The following OTOG variants were observed in gnomAD, a reference collection of about 807,000 sequenced individuals.
The protein encoded by OTOG is otogelin.
OTOG carries 296 observed loss-of-function variants against 313.8 expected under a neutral mutation model. The observed-to-expected ratio is 0.94, with a 90% CI of 0.86 to 1.04. OTOG has a LOEUF of 1.04. Ranked by LOEUF, OTOG falls within the 50% of genes least tolerant of loss-of-function variation. The probability of loss-of-function intolerance (pLI) is 0.00; values close to 1 mark genes in which losing one functional copy is unlikely to be tolerated. For synonymous variants in OTOG, 1,533 were observed against 1,554.9 expected, an observed-to-expected ratio of 0.99 and a Z score of 0.33; for missense variants, 3,948 against 3,840.1, an observed-to-expected ratio of 1.03 and a Z score of -0.74.
intron 23 of OTOG, among the ~76,000 whole-genome samples, chr11:17,585,006 C>G (rs144373415): frequency 6.6e-6 from 1 of 152,112 alleles, no homozygotes; most frequent in Non-Finnish European, 1.5e-5. Context: ...ATACTTGCAA[C>G]GTTTTTGTCT....
In OTOG at chr11:17,547,352, C is replaced by T; in HGVS notation, c.-21C>T. On this transcript the variant is annotated 5_prime_UTR_variant, in exon 1 of 56. Coordinates refer to ENST00000399397, the MANE Select transcript of OTOG (RefSeq NM_001292063.2). ...GGGAGGCTGGCCCTGCGCTCAAGTC[C>T]TCCGGTCCCCTCGTGTCCCTATGGG... 1 of 1,334,056 alleles carries T rather than the reference C, an allele frequency of 7.5e-7. No individual in the cohort carries two copies. The highest frequency in any genetic ancestry group is 3.0e-5 in the East Asian group (1 of 32,820). The allele number at this position is 1,334,056 out of a possible 1,614,324, so 82.6% of individuals were successfully genotyped here.
chr11:17,554,126 C>A (rs1364835764), intron 6 of OTOG, among the ~76,000 whole-genome samples: 1 of 152,100 alleles, frequency 6.6e-6, no homozygotes, highest in East Asian at 1.9e-4. Context: ...GAGACTAGGG[C>A]CTCAGAGAAA....
intron 32 of OTOG, among the ~76,000 whole-genome samples, chr11:17,603,945 C>G (rs901942655): frequency 6.6e-6 from 1 of 152,170 alleles, no homozygotes; most frequent in Non-Finnish European, 1.5e-5. Flanking sequence ...TAGGACTTCT[C>G]ATGTGCCGGC....
Position 17,610,720 on chromosome 11 carries a change from G to A in OTOG, c.5420G>A (p.Ser1807Asn). 6.5e-7 allele frequency: 1 copy of A among 1,550,050 alleles called. No homozygotes were observed. The highest frequency in any genetic ancestry group is 1.2e-5 in the South Asian group (1 of 84,042). Residue 1807 changes from serine (S) to asparagine (N), a missense_variant, in exon 36 of 56, where the codon AGC (serine) becomes AAC (asparagine). Physicochemically the swap from Ser to Asn is conservative, Grantham distance 46 (BLOSUM62 1). Coordinates refer to ENST00000399397, the MANE Select transcript of OTOG (RefSeq NM_001292063.2). Reference protein sequence around the residue: ...QLLSGLPPDTSLPLAKVGTSA... With the variant: ...QLLSGLPPDTNLPLAKVGTSA... ...CTCTCTGGCCTGCCTCCCGACACCAGCCTGCCCCTGGCCAAGGTGGGCACA... is the reference window on the plus strand; with the variant it reads ...CTCTCTGGCCTGCCTCCCGACACCAACCTGCCCCTGGCCAAGGTGGGCACA...
At chr11:17,556,702 G>A (rs899532767) in intron 7 of OTOG, among the ~76,000 whole-genome samples, 2 of 152,124 alleles carry the variant, frequency 1.3e-5, no homozygotes, top group Non-Finnish European at 2.9e-5. Flanking sequence ...GTTGGCTAGG[G>A]GTCCCTGTAC....
chr11:17,564,033 G>A (rs767193563), intron 15 of OTOG, among the ~76,000 whole-genome samples: 10 of 152,060 alleles, frequency 6.6e-5, no homozygotes, highest in Non-Finnish European at 1.5e-4. Flanking sequence ...GATAGGCTGT[G>A]GGTCAGCCTT....
At chr11:17,640,681 A>T in intron 49 of OTOG, 64 bp from the exon 50 acceptor site, 1 of 1,495,944 alleles carries the variant, frequency 6.7e-7, no homozygotes, top group Non-Finnish European at 9.0e-7. Context: ...CCCAGGTGGC[A>T]GACTGCTCCT....
In OTOG at chr11:17,608,638, C is replaced by A. The variant is rs80137424; in HGVS notation, c.4274+225C>A. ...CTTGCGTGTGTTTGTGCGTGTACTACTACAACTGTGCATTCGTTGTACACA... is the reference window on the plus strand; with the variant it reads ...CTTGCGTGTGTTTGTGCGTGTACTAATACAACTGTGCATTCGTTGTACACA... On this transcript the variant is annotated intron_variant, in intron 34 of 55. Coordinates refer to ENST00000399397, the MANE Select transcript of OTOG (RefSeq NM_001292063.2). Among the ~76,000 whole-genome samples the A allele has an allele frequency of 0.029, 4,388 of 152,320 alleles. 217 individuals are homozygous for A. Among genetic ancestry groups the A allele is most frequent in the African/African-American group, 0.1 (4,179 of 41,542 alleles).
Position 17,633,744 on chromosome 11 carries a change from A to G in OTOG, c.7137A>G (p.Thr2379=), listed in dbSNP as rs1226893815. 6 of 1,550,458 alleles carry G rather than the reference A, an allele frequency of 3.9e-6. No homozygotes were observed. Among genetic ancestry groups the G allele is most frequent in the Non-Finnish European group, 5.2e-6 (6 of 1,146,932 alleles). ...ACVTACEPPK[T]CQDGILGPLD... ...TGACAGCCTGTGAGCCACCCAAGAC[A>G]TGCCAGGATGGGATACTAGGGCCTC... The change falls in exon 43 of 56, where the codon ACA becomes ACG. Residue 2379 remains threonine, a synonymous_variant. Coordinates refer to ENST00000399397, the MANE Select transcript of OTOG (RefSeq NM_001292063.2).
chr11:17,561,682 G>T lies in OTOG; in HGVS notation c.1519G>T (p.Asp507Tyr). The T allele has an allele frequency of 6.4e-7, 1 of 1,550,570 alleles. No homozygotes were observed. The highest frequency in any genetic ancestry group is 8.7e-7 in the Non-Finnish European group (1 of 1,146,980). The part of the protein sequence containing the change: ...VCPAECSVTG[D>Y]IHFTTFDGRR... ...CTCAGCTGAGTGCTCAGTGACTGGTGACATTCACTTCACAACCTTTGATGG... is the reference window on the plus strand; with the variant it reads ...CTCAGCTGAGTGCTCAGTGACTGGTTACATTCACTTCACAACCTTTGATGG... The change falls in exon 15 of 56, where the codon GAC (aspartate) becomes TAC (tyrosine). Residue 507 changes from aspartate to tyrosine, a missense_variant. Transcript: ENST00000399397.
chr11:17,559,991 G>A (rs2134008796), intron 12 of OTOG, among the ~76,000 whole-genome samples: 1 of 152,236 alleles, frequency 6.6e-6, no homozygotes, highest in African/African-American at 2.4e-5. Context: ...GGAAGTGAGG[G>A]TGAGGACAGA....
intron 2 of OTOG, 21 bp from the exon 3 acceptor site, chr11:17,548,131 C>T: frequency 6.5e-7 from 1 of 1,544,070 alleles, no homozygotes; most frequent in Non-Finnish European, 8.7e-7. Flanking sequence ...CCCATCCATG[C>T]CAGACTCGTG....
At chr11:17,633,928 C>T in intron 43 of OTOG, 54 bp downstream of exon 43, 1 of 1,490,058 alleles carries the variant, frequency 6.7e-7, no homozygotes, top group Non-Finnish European at 8.9e-7. Flanking sequence ...CTCAGCCTCG[C>T]CTCCTGCTGT....
At chr11:17,578,938 C>T (rs1852602474) in intron 23 of OTOG, among the ~76,000 whole-genome samples, 1 of 152,174 alleles carries the variant, frequency 6.6e-6, no homozygotes, top group Non-Finnish European at 1.5e-5. Context: ...TGACCAGAGC[C>T]CTCAGGAGGA....
chr11:17,556,627 A>G (rs931528294), intron 7 of OTOG, among the ~76,000 whole-genome samples: 1 of 152,198 alleles, frequency 6.6e-6, no homozygotes, highest in Non-Finnish European at 1.5e-5. Context: ...TCTTGTGGCT[A>G]GTTAGACAGT....
At chr11:17,571,000 G>A (rs570326892) in intron 17 of OTOG, among the ~76,000 whole-genome samples, 6 of 152,262 alleles carry the variant, frequency 3.9e-5, no homozygotes, top group South Asian at 2.1e-4. Context: ...GGGCACAGAC[G>A]TAGGTTAGGA....
At chr11:17,633,252 T>C (rs1854175301) in intron 42 of OTOG, among the ~76,000 whole-genome samples, 1 of 152,242 alleles carries the variant, frequency 6.6e-6, no homozygotes, top group Admixed American at 6.5e-5. Context: ...ATCTACTTTT[T>C]ACAATCAAGA....
At chr11:17,606,936 C>A (rs1282418168) in intron 33 of OTOG, among the ~76,000 whole-genome samples, 1 of 152,204 alleles carries the variant, frequency 6.6e-6, no homozygotes, top group African/African-American at 2.4e-5. Flanking sequence ...GATGACAAGA[C>A]TTGCTCATGA....
At chr11:17,601,598 G>C (rs1039756056) in intron 31 of OTOG, among the ~76,000 whole-genome samples, 3 of 142,778 alleles carry the variant, frequency 2.1e-5, no homozygotes, top group African/African-American at 7.6e-5. Flanking sequence ...CCACCAGGGG[G>C]CGTGGCTGGG....
Sources: gnomAD v4.1 joint callset for allele counts (sites outside exome capture counted in the v4.1 genomes callset) on GRCh38, gnomAD v4.1.1 for gene constraint, MANE v1.5 for transcripts, NCBI Gene and HGNC (gene_info 2026-07-23, HGNC 2026-07-21) for gene names.